Variants in WDR64 observed in about 807,000 individuals in gnomAD.
The protein encoded by WDR64 is WD repeat-containing protein 64.
In WDR64, 112 loss-of-function variants were observed where a neutral mutation model predicts 139.3. The ratio of observed to expected loss-of-function variants is 0.80; its 90% CI spans 0.69 to 0.94. The LOEUF is 0.94. Among genes scored for constraint, WDR64 ranks in the 40% least tolerant of loss-of-function variants. The pLI is 0.00. For missense variants in WDR64, 1,206 were observed against 1,293.1 expected (o/e 0.93, Z 1.03); for synonymous variants, 444 against 437.7 (o/e 1.01, Z -0.18).
At chr1:241,727,531 G>A (rs1438178594) in intron 10 of WDR64, among the ~76,000 whole-genome samples, 3 of 152,148 alleles carry the variant, frequency 2.0e-5, no homozygotes, top group East Asian at 1.9e-4. Context: ...AAGATGAAAG[G>A]AGGTCATTCA....
chr1:241,770,755 A>T (rs1658399102), intron 18 of WDR64, 65 bp downstream of exon 18: 1 of 1,436,746 alleles, frequency 7.0e-7, no homozygotes, highest in African/African-American at 1.4e-5. Context: ...AAATAGTGCT[A>T]TTGAGCACAT....
intron 1 of WDR64, among the ~76,000 whole-genome samples, chr1:241,659,245 C>T (rs1489040664): frequency 1.3e-5 from 2 of 152,118 alleles, no homozygotes; most frequent in African/African-American, 4.8e-5. Flanking sequence ...GATCTCATTC[C>T]TTTTTATGGC....
At chr1:241,660,772 G>A in intron 2 of WDR64, 112 bp downstream of exon 2, 1 of 1,225,910 alleles carries the variant, frequency 8.2e-7, no homozygotes, top group South Asian at 1.5e-5. Context: ...CAACGTGCAT[G>A]TGTCAGTTTC....
intron 23 of WDR64, among the ~76,000 whole-genome samples, chr1:241,784,976 A>AAAAAAAAAAAAAGAAAAAAAAAAAAAG (rs138513526): frequency 1.0e-5 from 1 of 98,410 alleles, no homozygotes; most frequent in Admixed American, 1.2e-4. Flanking sequence ...AAAAAAAAAA[A>AAAAAAAAAAAAAGAAAAAAAAAAAAAG]GAAAGGACAT....
At chr1:241,698,487 A>G (rs1345090851) in intron 8 of WDR64, among the ~76,000 whole-genome samples, 2 of 152,098 alleles carry the variant, frequency 1.3e-5, no homozygotes, top group Non-Finnish European at 2.9e-5. Flanking sequence ...AAACATCTCA[A>G]TACTTTTCAC....
intron 6 of WDR64, among the ~76,000 whole-genome samples, chr1:241,682,942 G>T (rs2148108561): frequency 6.6e-6 from 1 of 152,320 alleles, no homozygotes; most frequent in East Asian, 1.9e-4. Flanking sequence ...AATGTTTGTT[G>T]ACTGAACAAA....
intron 10 of WDR64, among the ~76,000 whole-genome samples, chr1:241,724,604 T>C (rs1668730184): frequency 6.6e-6 from 1 of 152,110 alleles, no homozygotes; most frequent in African/African-American, 2.4e-5. Flanking sequence ...TACAGCACAA[T>C]ACATTACATA....
chr1:241,787,865 A>T lies in WDR64; in HGVS notation c.2722A>T (p.Asn908Tyr). 1 of 1,593,254 alleles carries T rather than the reference A, an allele frequency of 6.3e-7. No homozygotes were observed. Among genetic ancestry groups the T allele is most frequent in the African/African-American group, 1.4e-5 (1 of 73,482 alleles). Residue 908 changes from asparagine (N) to tyrosine (Y), a missense_variant, in exon 24 of 28, where the codon AAT (asparagine) becomes TAT (tyrosine). By Grantham distance (143) the Asn-to-Tyr change is moderately radical. Coordinates refer to ENST00000437684, the MANE Select transcript of WDR64 (RefSeq NM_001367482.1). ...TTCCCTCAGGCTCTGGCATGCCCTCAATGGACATTATTGTGGATATTTTGG... is the reference window on the plus strand; with the variant it reads ...TTCCCTCAGGCTCTGGCATGCCCTCTATGGACATTATTGTGGATATTTTGG... Reference protein sequence around the residue: ...DGSVRLWHALNGHYCGYFGQR... With the variant: ...DGSVRLWHALYGHYCGYFGQR...
At chr1:241,763,218 C>T (rs905994621) in intron 15 of WDR64, among the ~76,000 whole-genome samples, 3 of 151,064 alleles carry the variant, frequency 2.0e-5, no homozygotes, top group African/African-American at 7.3e-5. Context: ...TGTGTAGGTA[C>T]CAAAAAATGA....
chr1:241,735,533 C>CTTTTTTTTTTTTTTTTTTTTTT (rs58339742), intron 10 of WDR64, among the ~76,000 whole-genome samples: 2 of 103,514 alleles, frequency 1.9e-5, no homozygotes, highest in African/African-American at 3.8e-5. Context: ...CTCTCTCTCT[C>CTTTTTTTTTTTTTTTTTTTTTT]TTTTTTTTTT....
chr1:241,784,180 C>A (rs1658950054), intron 23 of WDR64, among the ~76,000 whole-genome samples: 1 of 152,150 alleles, frequency 6.6e-6, no homozygotes. Context: ...CCAGGAGGCA[C>A]TGGTAAGAAT....
intron 8 of WDR64, among the ~76,000 whole-genome samples, chr1:241,695,020 C>T (rs1667429503): frequency 6.6e-6 from 1 of 152,156 alleles, no homozygotes; most frequent in Non-Finnish European, 1.5e-5. Context: ...TTCATATTAG[C>T]TTATGAGAGT....
At chr1:241,704,223 G>A (rs900656118) in intron 8 of WDR64, among the ~76,000 whole-genome samples, 6 of 152,140 alleles carry the variant, frequency 3.9e-5, no homozygotes, top group Non-Finnish European at 8.8e-5. Context: ...CCTCACCCCT[G>A]CCATCCTGAG....
In WDR64 at chr1:241,748,265, A is replaced by G. The variant is rs145681959; in HGVS notation, c.1595-1282A>G. Among the ~76,000 whole-genome samples, 502 of 152,318 alleles carry G rather than the reference A, an allele frequency of 3.3e-3. 26 individuals are homozygous for G. In the East Asian group the frequency reaches 0.075, roughly 23 times the overall value. On this transcript the variant is annotated intron_variant, in intron 13 of 27. Coordinates refer to ENST00000437684, the MANE Select transcript of WDR64 (RefSeq NM_001367482.1). The stretch of plus-strand genomic sequence containing the variant: ...TAGGAAAACCTCCTGGGCTCAGACC[A>G]TTTGACATGCCTTACCACTCAGGGC...
At position 241,725,529 on chromosome 1, in the gene WDR64, C is replaced by T. The variant is rs537327405; in HGVS notation, c.1194+2093C>T. Among the ~76,000 whole-genome samples the T allele has an allele frequency of 5.3e-5, 8 of 152,114 alleles. No individual in the cohort carries two copies. In the South Asian group the frequency reaches 1.2e-3, roughly 24 times the overall value. ...GGCCCAGTCGTTCCCTCCATGCTCA[C>T]GGAACTATGCGAATCTCCCTGGAGC... On this transcript the variant is annotated intron_variant, in intron 10 of 27. Coordinates refer to ENST00000437684, the MANE Select transcript of WDR64 (RefSeq NM_001367482.1).
intron 1 of WDR64, among the ~76,000 whole-genome samples, chr1:241,655,264 T>C (rs918973508): frequency 2.6e-5 from 4 of 152,044 alleles, no homozygotes; most frequent in African/African-American, 7.2e-5. Context: ...GTGCCTGTAG[T>C]CCCAGCTACT....
At chr1:241,655,430 T>C (rs1402587942) in intron 1 of WDR64, among the ~76,000 whole-genome samples, 3 of 152,156 alleles carry the variant, frequency 2.0e-5, no homozygotes, top group Non-Finnish European at 4.4e-5. Flanking sequence ...AAGTTAATCA[T>C]TTCTCTATAC....
chr1:241,715,481 G>A (rs904904401), intron 9 of WDR64, among the ~76,000 whole-genome samples: 6 of 152,146 alleles, frequency 3.9e-5, no homozygotes, highest in Admixed American at 3.3e-4. Flanking sequence ...GGGAGGGAGA[G>A]CCCCTTGGTG....
chr1:241,749,963 G>T (rs1223425470), intron 14 of WDR64, among the ~76,000 whole-genome samples: 5 of 152,166 alleles, frequency 3.3e-5, no homozygotes, highest in African/African-American at 9.7e-5. Flanking sequence ...GTTAGTCAGG[G>T]TCTCCTAAGG....
Sources: gnomAD v4.1 joint callset for allele counts (sites outside exome capture counted in the v4.1 genomes callset) on GRCh38, gnomAD v4.1.1 for gene constraint, MANE v1.5 for transcripts, NCBI Gene and HGNC (gene_info 2026-07-23, HGNC 2026-07-21) for gene names.